RBFOX3: variants seen among roughly 807,000 people sequenced by gnomAD.
RBFOX3 encodes the protein RNA binding fox-1 homolog 3, also known as RNA binding protein fox-1 homolog 3.
A neutral mutation model predicts 48.7 loss-of-function variants in RBFOX3; 17 were observed. The observed-to-expected ratio is 0.35, with a 90% CI of 0.24 to 0.52. RBFOX3 has a LOEUF of 0.52. Ranked by LOEUF, RBFOX3 falls within the 20% of genes least tolerant of loss-of-function variation. The pLI, the probability that RBFOX3 is intolerant of heterozygous loss-of-function variation, is 0.94. For synonymous variants in RBFOX3, 212 were observed against 209.5 expected (o/e 1.01, Z -0.10); for missense variants, 382 against 497.5 (o/e 0.77, Z 2.21).
intron 2 of RBFOX3, among the ~76,000 whole-genome samples, chr17:79,463,246 CACT>C: frequency 7.5e-6 from 1 of 133,544 alleles, no homozygotes; most frequent in African/African-American, 2.8e-5. Context: ...CTGCCATCGC[CACT>C]GCCACCTCCA....
rs1018426917 is a variant in RBFOX3 at position 79,199,669 on chromosome 17, T to G, written c.-34+36097A>C. Among the ~76,000 whole-genome samples, 1 of 152,192 alleles carries G rather than the reference T, an allele frequency of 6.6e-6. No homozygotes were observed. Among genetic ancestry groups the G allele is most frequent in the Non-Finnish European group, 1.5e-5 (1 of 68,028 alleles). ...CCAATAAAAGTGAGGCTCAGTCCCTTTGTTGCATGAGCTTCATTTCCAAGA... is the reference window on the plus strand; with the variant it reads ...CCAATAAAAGTGAGGCTCAGTCCCTGTGTTGCATGAGCTTCATTTCCAAGA... On this transcript the variant is annotated intron_variant, in intron 4 of 14. Transcript: ENST00000693108. This position sits in a 1 kb window ranked among gnomAD's most constrained non-coding sequence, Gnocchi z 5.1.
At chr17:79,486,369 A>C (rs2079605292) in intron 1 of RBFOX3, among the ~76,000 whole-genome samples, 2 of 152,054 alleles carry the variant, frequency 1.3e-5, no homozygotes, top group South Asian at 4.2e-4. Context: ...ATTGCCCCTC[A>C]CCATGCGCTG....
the RBFOX3 span, among the ~76,000 whole-genome samples, chr17:79,657,539 C>T: frequency 6.6e-6 from 1 of 152,162 alleles, no homozygotes; most frequent in African/African-American, 2.4e-5. Context: ...ATTAGCCAAG[C>T]ATGGTGGCAG....
intron 2 of RBFOX3, among the ~76,000 whole-genome samples, chr17:79,358,809 C>T (rs2089781951): frequency 6.6e-6 from 1 of 152,226 alleles, no homozygotes; most frequent in Non-Finnish European, 1.5e-5. Flanking sequence ...GTTTCCAACA[C>T]AGGGTGTGGC....
chr17:79,229,155 G>A (rs2147706153), intron 4 of RBFOX3, among the ~76,000 whole-genome samples: 1 of 147,112 alleles, frequency 6.8e-6, no homozygotes, highest in East Asian at 2.0e-4. Context: ...CTTGAGCACG[G>A]TAGGCAGAGG....
At position 79,164,501 on chromosome 17, in the gene RBFOX3, G is replaced by C. The variant is rs75965260; in HGVS notation, c.-33-48753C>G. Among the ~76,000 whole-genome samples, 1,439 of 152,296 alleles carry C rather than the reference G, an allele frequency of 9.4e-3. 22 individuals are homozygous for C. The highest frequency in any genetic ancestry group is 0.033 in the African/African-American group (1,375 of 41,556). ...GGCGGCACTTCACCCCTTCAGTCTT[G>C]GGGGGAGGTGTTACATAATTAACAC... On this transcript the variant is annotated intron_variant, in intron 4 of 14. Coordinates refer to ENST00000693108, the MANE Select transcript of RBFOX3 (RefSeq NM_001350451.2).
At chr17:79,585,472 G>A (rs1035361006) in intron 1 of RBFOX3, among the ~76,000 whole-genome samples, 8 of 152,016 alleles carry the variant, frequency 5.3e-5, no homozygotes, top group Non-Finnish European at 2.9e-5. Flanking sequence ...CAGGAGAATC[G>A]CTTGAACCCG....
chr17:79,269,642 C>A (rs1851225854), intron 3 of RBFOX3, among the ~76,000 whole-genome samples: 5 of 152,178 alleles, frequency 3.3e-5, no homozygotes, highest in Admixed American at 3.3e-4. Flanking sequence ...CTGCCGGTGA[C>A]CTCCCCTCCT....
At chr17:79,140,486 C>A (rs1429280668) in intron 4 of RBFOX3, among the ~76,000 whole-genome samples, 4 of 152,236 alleles carry the variant, frequency 2.6e-5, no homozygotes, top group African/African-American at 9.6e-5. Context: ...GCACCTGCTG[C>A]AGGCTGGCAC....
intron 1 of RBFOX3, among the ~76,000 whole-genome samples, chr17:79,530,964 G>T (rs967874378): frequency 6.6e-6 from 1 of 152,204 alleles, no homozygotes; most frequent in African/African-American, 2.4e-5. Flanking sequence ...CGGCAGGAAG[G>T]CCGCCGTGGA....
At chr17:79,617,018 C>T in the RBFOX3 span, among the ~76,000 whole-genome samples, 4 of 152,054 alleles carry the variant, frequency 2.6e-5, no homozygotes, top group African/African-American at 7.2e-5. Flanking sequence ...CAGCTGTGTC[C>T]GCCGGCTGGC....
rs147701256 is a variant in RBFOX3 at position 79,331,635 on chromosome 17, C to T, written c.-174-23811G>A. Among the ~76,000 whole-genome samples, 405 of 152,336 alleles carry T rather than the reference C, an allele frequency of 2.7e-3. 1 individual carries two copies. The highest frequency in any genetic ancestry group is 9.2e-3 in the African/African-American group (383 of 41,568). ...GATTGAAGACGGCACTCCCAGAAGACGGCACCCCATCACAATCACTTTTGT... is the reference window on the plus strand; with the variant it reads ...GATTGAAGACGGCACTCCCAGAAGATGGCACCCCATCACAATCACTTTTGT... On this transcript the variant is annotated intron_variant, in intron 2 of 14. Coordinates refer to ENST00000693108, the MANE Select transcript of RBFOX3 (RefSeq NM_001350451.2).
At chr17:79,280,852 A>AGGGGGGGGGGGGG (rs2070288262) in intron 3 of RBFOX3, among the ~76,000 whole-genome samples, 1 of 102,406 alleles carries the variant, frequency 9.8e-6, no homozygotes, top group African/African-American at 3.6e-5. Flanking sequence ...GGGGGGGGGG[A>AGGGGGGGGGGGGG]GGGGAGGGTC....
intron 4 of RBFOX3, among the ~76,000 whole-genome samples, chr17:79,187,152 G>A (rs985518512): frequency 1.3e-5 from 2 of 152,236 alleles, no homozygotes; most frequent in African/African-American, 4.8e-5. Context: ...GAGTCCTGTG[G>A]TCAGATGACT....
chr17:79,232,699 G>GA (rs34460209), intron 4 of RBFOX3, among the ~76,000 whole-genome samples: 30,368 of 151,852 alleles, frequency 0.2, 3,145 homozygotes, highest in East Asian at 0.34. Context: ...AAGCATAGGC[G>GA]AAAAAAAATC....
chr17:79,378,804 C>T (rs1331645484), intron 2 of RBFOX3, among the ~76,000 whole-genome samples: 2 of 152,218 alleles, frequency 1.3e-5, no homozygotes, highest in Admixed American at 6.5e-5. Flanking sequence ...CTCAGCCTCG[C>T]CCCCGGAACC....
Position 79,214,231 on chromosome 17 carries a change from G to T in RBFOX3, c.-34+21535C>A, listed in dbSNP as rs190872563. Reference sequence around the variant, plus strand: ...AAAGTCGGCCTCTCCAGCAACGCACGGAGCTATCTCACTTACAACGTGAAA... The same window carrying T: ...AAAGTCGGCCTCTCCAGCAACGCACTGAGCTATCTCACTTACAACGTGAAA... On this transcript the variant is annotated intron_variant, in intron 4 of 14. Coordinates refer to ENST00000693108, the MANE Select transcript of RBFOX3 (RefSeq NM_001350451.2). This position sits in a 1 kb window ranked among gnomAD's most constrained non-coding sequence, Gnocchi z 4.7. Among the ~76,000 whole-genome samples, 2 of 152,272 alleles carry T rather than the reference G, an allele frequency of 1.3e-5. No individual in the cohort carries two copies. Among genetic ancestry groups the T allele is most frequent in the East Asian group, 3.9e-4 (2 of 5,174 alleles).
At chr17:79,257,729 T>C (rs1269341536) in intron 3 of RBFOX3, among the ~76,000 whole-genome samples, 1 of 151,946 alleles carries the variant, frequency 6.6e-6, no homozygotes. Context: ...TACAGGCACA[T>C]GGCACCACAC....
intron 2 of RBFOX3, among the ~76,000 whole-genome samples, chr17:79,475,989 G>A (rs1214267892): frequency 1.3e-5 from 2 of 152,340 alleles, no homozygotes; most frequent in Non-Finnish European, 2.9e-5. Flanking sequence ...GGCAGTCACG[G>A]GACACCGACC....
Sources: gnomAD v4.1 joint callset for allele counts (sites outside exome capture counted in the v4.1 genomes callset) on GRCh38, gnomAD v4.1.1 for gene constraint, Gnocchi (gnomAD v3.1) non-coding constraint, MANE v1.5 for transcripts, NCBI Gene and HGNC (gene_info 2026-07-23, HGNC 2026-07-21) for gene names.